PLPP4: variants seen among roughly 807,000 people sequenced by gnomAD.
PLPP4 encodes diacylglycerol pyrophosphate like 2.
A neutral mutation model predicts 32.2 loss-of-function variants in PLPP4; 20 were observed. The ratio of observed to expected loss-of-function variants is 0.62; its 90% CI spans 0.44 to 0.90. PLPP4 has a LOEUF of 0.90. Among genes scored for constraint, PLPP4 ranks in the 40% least tolerant of loss-of-function variants. The probability of loss-of-function intolerance (pLI) is 0.00; values close to 1 mark genes in which losing one functional copy is unlikely to be tolerated. For synonymous variants in PLPP4, 127 were observed against 133.0 expected (o/e 0.95, Z 0.31); for missense variants, 257 against 353.1 (o/e 0.73, Z 2.18).
intron 1 of PLPP4, among the ~76,000 whole-genome samples, chr10:120,474,362 A>G (rs79900624): frequency 0.014 from 2,170 of 152,268 alleles, 28 homozygotes; most frequent in Non-Finnish European, 0.023. Flanking sequence ...CACTTTGTCT[A>G]TCTAAAATCT....
chr10:120,509,194 CTATT>C, intron 2 of PLPP4, among the ~76,000 whole-genome samples: 1 of 152,324 alleles, frequency 6.6e-6, no homozygotes, highest in East Asian at 1.9e-4. Context: ...CATTCCATAA[CTATT>C]AGTGAATTGA....
At chr10:120,537,429 A>T (rs989054648) in intron 5 of PLPP4, among the ~76,000 whole-genome samples, 2 of 152,256 alleles carry the variant, frequency 1.3e-5, no homozygotes, top group African/African-American at 4.8e-5. Context: ...TAAGCGAAAT[A>T]AGCCAGACAC....
intron 5 of PLPP4, among the ~76,000 whole-genome samples, chr10:120,556,742 CAG>C (rs1443036447): frequency 6.6e-6 from 1 of 152,136 alleles, no homozygotes; most frequent in Non-Finnish European, 1.5e-5. Flanking sequence ...AGGTGAGAAG[CAG>C]AGAGTTAAGT....
intron 2 of PLPP4, among the ~76,000 whole-genome samples, chr10:120,511,919 C>T (rs776268296): frequency 6.6e-6 from 1 of 152,144 alleles, no homozygotes; most frequent in Middle Eastern, 3.4e-3. Flanking sequence ...GGTGAAACCC[C>T]ATCTCTACTA....
At chr10:120,488,028 G>C (rs1367906375) in intron 1 of PLPP4, among the ~76,000 whole-genome samples, 1 of 152,198 alleles carries the variant, frequency 6.6e-6, no homozygotes, top group Admixed American at 6.5e-5. Context: ...GAAGTCAGGG[G>C]CTCTCTGGGA....
chr10:120,500,648 C>T (rs1845199492), intron 1 of PLPP4, among the ~76,000 whole-genome samples: 1 of 110,766 alleles, frequency 9.0e-6, no homozygotes, highest in South Asian at 3.2e-4. Flanking sequence ...ACCCTGAGCC[C>T]ACAGTGCTAG....
chr10:120,546,572 T>A (rs1847633012), intron 5 of PLPP4, among the ~76,000 whole-genome samples: 1 of 152,222 alleles, frequency 6.6e-6, no homozygotes, highest in Non-Finnish European at 1.5e-5. Context: ...TCCTCCAGCA[T>A]GTACTCTTCA....
intron 6 of PLPP4, among the ~76,000 whole-genome samples, chr10:120,579,398 C>T (rs546317309): frequency 1.3e-5 from 2 of 152,096 alleles, no homozygotes; most frequent in Non-Finnish European, 1.5e-5. Context: ...GTTGTCTAAC[C>T]GGGCTGAAGT....
chr10:120,582,358 A>G (rs1849549239), intron 6 of PLPP4, among the ~76,000 whole-genome samples: 1 of 151,550 alleles, frequency 6.6e-6, no homozygotes, highest in African/African-American at 2.4e-5. Context: ...CTCTCTTCCC[A>G]TGGTGTTTTC....
At chr10:120,581,011 T>C (rs1238256566) in intron 6 of PLPP4, 1 of 1,289,352 alleles carries the variant, frequency 7.8e-7, no homozygotes, top group Admixed American at 2.3e-5. Flanking sequence ...CCCGCCTCTG[T>C]GTTGGTGCCT....
At chr10:120,562,613 C>T (rs964765989) in intron 5 of PLPP4, among the ~76,000 whole-genome samples, 6 of 152,210 alleles carry the variant, frequency 3.9e-5, no homozygotes, top group East Asian at 1.9e-4. Context: ...GAATGAACTT[C>T]GAATTTTGTA....
Position 120,589,186 on chromosome 10 carries a change from G to A in PLPP4, c.617-117G>A, listed in dbSNP as rs117366879. 7,665 of 919,934 alleles carry A rather than the reference G, an allele frequency of 8.3e-3. 49 individuals are homozygous for A. Among genetic ancestry groups the A allele is most frequent in the Non-Finnish European group, 9.7e-3 (5,666 of 584,026 alleles). 57.0% of individuals were successfully genotyped at this position (919,934 alleles called of 1,614,324 possible). On this transcript the variant is annotated intron_variant, in intron 6 of 6. Coordinates refer to ENST00000398250, the MANE Select transcript of PLPP4 (RefSeq NM_001030059.3). Reference sequence around the variant, plus strand: ...TTTCTTTCCTTTAGTCTTTCAGGGGGTCCTGTAAGCAAACCAGGTCCTAGA... The same window carrying A: ...TTTCTTTCCTTTAGTCTTTCAGGGGATCCTGTAAGCAAACCAGGTCCTAGA...
Position 120,575,180 on chromosome 10 carries a change from G to T in PLPP4, c.495G>T (p.Leu165=). The change falls in exon 6 of 7, where the codon CTG becomes CTT. Residue 165 remains leucine, a synonymous_variant. Coordinates refer to ENST00000398250, the MANE Select transcript of PLPP4 (RefSeq NM_001030059.3). The stretch of plus-strand genomic sequence containing the variant: ...CGACGTTCTACTTGGCGGGCAAGCT[G>T]CACTGCTTCACCGAGAGTGGGCGGG... ...GFTTFYLAGK[L]HCFTESGRGK... 1 of 1,613,970 alleles carries T rather than the reference G, an allele frequency of 6.2e-7. No individual in the cohort carries two copies. Among genetic ancestry groups the T allele is most frequent in the Non-Finnish European group, 8.5e-7 (1 of 1,180,022 alleles).
At chr10:120,559,349 TTTA>T (rs1848313765) in intron 5 of PLPP4, among the ~76,000 whole-genome samples, 1 of 152,146 alleles carries the variant, frequency 6.6e-6, no homozygotes, top group African/African-American at 2.4e-5. Flanking sequence ...TGTTTGTGTA[TTTA>T]TTATTTATTT....
intron 6 of PLPP4, among the ~76,000 whole-genome samples, chr10:120,584,310 G>A (rs908465529): frequency 1.3e-5 from 2 of 152,172 alleles, no homozygotes; most frequent in African/African-American, 2.4e-5. Flanking sequence ...ACCCTCACAC[G>A]TTTCCTTCAT....
At chr10:120,568,819 C>T (rs945073746) in intron 5 of PLPP4, among the ~76,000 whole-genome samples, 1 of 152,158 alleles carries the variant, frequency 6.6e-6, no homozygotes, top group Non-Finnish European at 1.5e-5. Flanking sequence ...AAACCACTTC[C>T]CATCCTTGTG....
At chr10:120,474,084 C>G (rs562736554) in intron 1 of PLPP4, among the ~76,000 whole-genome samples, 2 of 152,102 alleles carry the variant, frequency 1.3e-5, no homozygotes, top group African/African-American at 4.8e-5. Context: ...GATTGGTACT[C>G]TTTGAAGCTC....
intron 2 of PLPP4, among the ~76,000 whole-genome samples, chr10:120,511,183 G>A (rs1012716030): frequency 2.6e-5 from 4 of 152,196 alleles, no homozygotes; most frequent in Admixed American, 6.5e-5. Context: ...CAATTAGGAA[G>A]AGGCAAGTTG....
Position 120,531,032 on chromosome 10 carries a change from CAATAGAAGAAAG to C in PLPP4, c.445+9952_445+9963del, listed in dbSNP as rs1039439644. Among the ~76,000 whole-genome samples, 153 of 150,346 alleles carry C rather than the reference CAATAGAAGAAAG, an allele frequency of 1.0e-3. 2 individuals are homozygous for C. In the South Asian group the frequency reaches 0.028, roughly 27 times the overall value. The stretch of plus-strand genomic sequence containing the variant: ...ATTTTTCATGCCTATTTTCTTCTAT[CAATAGAAGAAAG>C]AATAGAAGAAAGAAAGAAGAAGAAA... On this transcript the variant is annotated intron_variant, in intron 5 of 6. Coordinates refer to ENST00000398250, the MANE Select transcript of PLPP4 (RefSeq NM_001030059.3).
Sources: allele counts gnomAD v4.1 joint callset (sites outside exome capture counted in the v4.1 genomes callset), GRCh38; gene constraint gnomAD v4.1.1; transcripts MANE v1.5; gene names NCBI Gene and HGNC (gene_info 2026-07-23, HGNC 2026-07-21).